The following CUBN variants were observed in gnomAD, a reference collection of about 807,000 sequenced individuals.
CUBN encodes the protein cubilin.
In CUBN, 282 loss-of-function variants were observed where a neutral mutation model predicts 405.3. That is an observed-to-expected ratio of 0.70 (90% CI 0.63 to 0.77). CUBN has a LOEUF of 0.77. Among genes scored for constraint, CUBN ranks in the 30% least tolerant of loss-of-function variants. The probability of loss-of-function intolerance (pLI) is 0.00; values close to 1 mark genes in which losing one functional copy is unlikely to be tolerated. For missense variants in CUBN, 4,514 were observed against 4,475.2 expected, an observed-to-expected ratio of 1.01 and a Z score of -0.25; for synonymous variants, 1,684 against 1,617.0, an observed-to-expected ratio of 1.04 and a Z score of -0.99.
intron 54 of CUBN, among the ~76,000 whole-genome samples, chr10:16,897,958 T>G (rs1841238985): frequency 6.6e-6 from 1 of 152,146 alleles, no homozygotes; most frequent in African/African-American, 2.4e-5. Flanking sequence ...TTGAAAGTTT[T>G]ACTTAAGTCT....
At chr10:16,901,863 C>T (rs1483614793) in intron 51 of CUBN, among the ~76,000 whole-genome samples, 5 of 123,534 alleles carry the variant, frequency 4.0e-5, no homozygotes, top group Admixed American at 2.7e-4. Flanking sequence ...AAAAAAAAAC[C>T]ATATTATATA....
chr10:17,053,469 A>G (rs746308402), intron 22 of CUBN, among the ~76,000 whole-genome samples: 2 of 152,106 alleles, frequency 1.3e-5, no homozygotes, highest in Non-Finnish European at 2.9e-5. Context: ...GGATAATATT[A>G]TTAGATTTAT....
rs1337813721 is a variant in CUBN, at chr10:17,129,152, T to C, written c.221A>G (p.Asn74Ser). 4 of 1,613,276 alleles carry C rather than the reference T, an allele frequency of 2.5e-6. No homozygotes were observed. Among genetic ancestry groups the C allele is most frequent in the Non-Finnish European group, 3.4e-6 (4 of 1,179,194 alleles). ...TAAACACTCACTGAGATCTTCATCATTTAATTTAATTTTTCCCAGGGATCC... is the reference window on the plus strand; with the variant it reads ...TAAACACTCACTGAGATCTTCATCACTTAATTTAATTTTTCCCAGGGATCC... The part of the protein sequence containing the change: ...RTGSLGKIKL[N>S]DEDLSECLHQ... The change falls in exon 2 of 67, where the codon AAT (asparagine) becomes AGT (serine). Residue 74 changes from asparagine (N) to serine (S), a missense_variant. Coordinates refer to ENST00000377833, the MANE Select transcript of CUBN (RefSeq NM_001081.4).
chr10:16,954,211 G>A (rs919944609), intron 32 of CUBN, among the ~76,000 whole-genome samples, 178 bp downstream of exon 32: 1 of 152,134 alleles, frequency 6.6e-6, no homozygotes. Context: ...GAAGGAGAAG[G>A]TTACAAGCAT....
At chr10:16,913,183 G>C (rs1012822466) in intron 48 of CUBN, among the ~76,000 whole-genome samples, 1 of 152,134 alleles carries the variant, frequency 6.6e-6, no homozygotes, top group Non-Finnish European at 1.5e-5. Flanking sequence ...ACTGCAGAAG[G>C]GGCAAGTTGG....
At position 16,851,245 on chromosome 10, in the gene CUBN, T is replaced by A. The variant is rs759547648; in HGVS notation, c.9653A>T (p.Asp3218Val). The part of the protein sequence containing the change: ...AASTRQRCLY[D>V]YVKLYDGDSE... ...ATAAAACAGCCTTACCTTTACATAA[T>A]CATAAAGGCATCTTTGCCTAGTACT... Residue 3218 changes from aspartate (D) to valine (V), a missense_variant, in exon 60 of 67, where the codon GAT becomes GTT. This residue lies in a region of CUBN where 1,186 missense variants were observed against 1,186.9 expected (regional missense o/e 1.00). Transcript: ENST00000377833. 6 of 1,611,706 alleles carry A rather than the reference T, an allele frequency of 3.7e-6. No homozygotes were observed. In the African/African-American group the frequency reaches 8.0e-5, roughly 22 times the overall value.
intron 60 of CUBN, among the ~76,000 whole-genome samples, chr10:16,843,996 G>T (rs746030296): frequency 6.6e-6 from 1 of 152,060 alleles, no homozygotes; most frequent in Non-Finnish European, 1.5e-5. Context: ...CCTGCGGGGC[G>T]TGGTGGCTCA....
At chr10:16,997,927 C>T (rs1463749067) in intron 28 of CUBN, among the ~76,000 whole-genome samples, 1 of 152,050 alleles carries the variant, frequency 6.6e-6, no homozygotes, top group Non-Finnish European at 1.5e-5. Flanking sequence ...GAAGCATGTG[C>T]AGATGGATTT....
chr10:16,921,424 C>T (rs973403648), intron 43 of CUBN, among the ~76,000 whole-genome samples: 3 of 152,172 alleles, frequency 2.0e-5, no homozygotes, highest in Non-Finnish European at 2.9e-5. Flanking sequence ...ATCTCTCTCT[C>T]CCTATCTGTC....
chr10:16,918,828 T>G, intron 44 of CUBN, 28 bp from the exon 45 acceptor site: 2 of 1,601,910 alleles, frequency 1.2e-6, no homozygotes, highest in Non-Finnish European at 1.7e-6. Flanking sequence ...TTCTGTTAAA[T>G]TTACATGGTC....
At chr10:17,073,752 C>T (rs1038984474) in intron 17 of CUBN, among the ~76,000 whole-genome samples, 2 of 152,106 alleles carry the variant, frequency 1.3e-5, no homozygotes, top group Non-Finnish European at 2.9e-5. Context: ...GGCCAAATAG[C>T]CAGCTCTTAT....
intron 28 of CUBN, among the ~76,000 whole-genome samples, chr10:16,991,061 A>G (rs1202159953): frequency 4.6e-5 from 3 of 65,120 alleles, no homozygotes; most frequent in Non-Finnish European, 1.2e-4. Flanking sequence ...CAGCAAATTT[A>G]CATTAAAAAA....
intron 65 of CUBN, 137 bp downstream of exon 65, chr10:16,831,115 A>G (rs943432375): frequency 1.4e-5 from 11 of 787,304 alleles, no homozygotes; most frequent in Admixed American, 2.2e-5. Context: ...TGTACTTTCA[A>G]TGTTAAAATC....
At chr10:17,014,940 C>G (rs1042179298) in intron 28 of CUBN, among the ~76,000 whole-genome samples, 2 of 152,192 alleles carry the variant, frequency 1.3e-5, no homozygotes, top group South Asian at 4.1e-4. Flanking sequence ...AGGTCCAGAA[C>G]AGCAAACCAA....
intron 66 of CUBN, among the ~76,000 whole-genome samples, chr10:16,826,983 A>G (rs997160367): frequency 6.6e-5 from 10 of 152,290 alleles, no homozygotes; most frequent in Non-Finnish European, 5.9e-5. Context: ...AGAGCTGATT[A>G]GCTTCTAAAT....
At chr10:16,850,319 C>T (rs1002445850) in intron 60 of CUBN, among the ~76,000 whole-genome samples, 1 of 152,138 alleles carries the variant, frequency 6.6e-6, no homozygotes, top group Non-Finnish European at 1.5e-5. Flanking sequence ...TCTTGCCATA[C>T]TTTTTATTTT....
intron 54 of CUBN, among the ~76,000 whole-genome samples, chr10:16,895,195 A>G (rs1841145600): frequency 6.6e-6 from 1 of 152,180 alleles, no homozygotes; most frequent in African/African-American, 2.4e-5. Context: ...TACTCAAAGA[A>G]CACACTCTGT....
At chr10:16,825,751 C>T (rs1340676702) in intron 66 of CUBN, among the ~76,000 whole-genome samples, 2 of 151,704 alleles carry the variant, frequency 1.3e-5, no homozygotes, top group Non-Finnish European at 2.9e-5. Context: ...GGCACTGCCA[C>T]GCTGCAGGTA....
At chr10:17,100,383 C>A in intron 13 of CUBN, 144 bp from the exon 14 acceptor site, 1 of 667,022 alleles carries the variant, frequency 1.5e-6, no homozygotes, top group Non-Finnish European at 2.7e-6. Context: ...GTACATATGG[C>A]AATCTATATA....
Sources: gnomAD v4.1 joint callset for allele counts (sites outside exome capture counted in the v4.1 genomes callset) on GRCh38, gnomAD v4.1.1 for gene constraint, gnomAD v4.1.1 regional missense constraint, MANE v1.5 for transcripts, NCBI Gene and HGNC (gene_info 2026-07-23, HGNC 2026-07-21) for gene names.